Variants in YPEL1 observed in about 807,000 individuals in gnomAD.
YPEL1 encodes yippee like 1.
A neutral mutation model predicts 17.3 loss-of-function variants in YPEL1; 7 were observed. That is an observed-to-expected ratio of 0.40 (90% CI 0.23 to 0.76). YPEL1 has a LOEUF of 0.76. Ranked by LOEUF, YPEL1 falls within the 30% of genes least tolerant of loss-of-function variation. The pLI, the probability that YPEL1 is intolerant of heterozygous loss-of-function variation, is 0.35. For synonymous variants in YPEL1, 59 were observed against 59.6 expected, an observed-to-expected ratio of 0.99 and a Z score of 0.05; for missense variants, 91 against 155.5, an observed-to-expected ratio of 0.59 and a Z score of 2.21.
At chr22:21,733,868 A>G (rs2068412321) in intron 1 of YPEL1, among the ~76,000 whole-genome samples, 1 of 152,230 alleles carries the variant, frequency 6.6e-6, no homozygotes, top group South Asian at 2.1e-4. Context: ...CTTAGTGAAG[A>G]CAGGCAAGAA....
intron 1 of YPEL1, among the ~76,000 whole-genome samples, chr22:21,711,118 G>C (rs55797610): frequency 0.19 from 29,024 of 151,488 alleles, 2,927 homozygotes; most frequent in African/African-American, 0.23. Flanking sequence ...CCTCCTCCTG[G>C]GTTCAAGCGA....
intron 1 of YPEL1, among the ~76,000 whole-genome samples, chr22:21,720,202 GTA>G (rs1396091903): frequency 7.3e-6 from 1 of 137,802 alleles, no homozygotes; most frequent in Non-Finnish European, 1.6e-5. Context: ...AAAAAAAGCA[GTA>G]TCACTTTTTT....
At chr22:21,720,256 G>A (rs1248654952) in intron 1 of YPEL1, among the ~76,000 whole-genome samples, 1 of 151,330 alleles carries the variant, frequency 6.6e-6, no homozygotes, top group African/African-American at 2.4e-5. Context: ...AGGCCGGAGT[G>A]CAGTGGCATG....
Position 21,697,872 on chromosome 22 carries a change from TGAG to T in YPEL1, c.*3254_*3256del, listed in dbSNP as rs1226784029. 1.3e-5 allele frequency: 2 copies of T among 152,368 alleles called. No individual in the cohort carries two copies. The highest frequency in any genetic ancestry group is 2.4e-5 in the African/African-American group (1 of 41,458). 9.4% of individuals were successfully genotyped at this position (152,368 alleles called of 1,614,324 possible). The stretch of plus-strand genomic sequence containing the variant: ...ACCATTTGAATTTTTAACGACCTGA[TGAG>T]GGCATCAGGTAAATTAAAGGATTTT... On this transcript the variant is annotated 3_prime_UTR_variant, in exon 5 of 5. Coordinates refer to ENST00000339468, the MANE Select transcript of YPEL1 (RefSeq NM_013313.5).
chr22:21,708,341 T>C (rs1488247144), intron 2 of YPEL1, among the ~76,000 whole-genome samples: 1 of 142,552 alleles, frequency 7.0e-6, no homozygotes, highest in Non-Finnish European at 1.5e-5. Context: ...CTTTTTTTTT[T>C]TTTTTTTTTT....
rs561937532 is a variant in YPEL1 at position 21,709,063 on chromosome 22, A to G, written c.117+1565T>C. Among the ~76,000 whole-genome samples, 3 of 152,238 alleles carry G rather than the reference A, an allele frequency of 2.0e-5. No homozygotes were observed. The South Asian group carries it at 6.2e-4, about 32-fold the overall frequency. Reference sequence around the variant, plus strand: ...CTTTTGACCATGTAGCAAGGAACACACCTGGCATGCTTCCGAAACAAAACC... The same window carrying G: ...CTTTTGACCATGTAGCAAGGAACACGCCTGGCATGCTTCCGAAACAAAACC... On this transcript the variant is annotated intron_variant, in intron 2 of 4. Coordinates refer to ENST00000339468, the MANE Select transcript of YPEL1 (RefSeq NM_013313.5).
chr22:21,722,023 A>C (rs1023910146), intron 1 of YPEL1, among the ~76,000 whole-genome samples: 1 of 152,234 alleles, frequency 6.6e-6, no homozygotes, highest in African/African-American at 2.4e-5. Flanking sequence ...TTCAAGGTAC[A>C]TCCATGTTGT....
chr22:21,735,414 T>C lies in YPEL1; in HGVS notation c.-165+201A>G, dbSNP rs188009987. On this transcript the variant is annotated intron_variant, in intron 1 of 4. Coordinates refer to ENST00000339468, the MANE Select transcript of YPEL1 (RefSeq NM_013313.5). ...GGGAATCAAAGATTAGGCGTTGTTG[T>C]CTGTGCCAAAACGGAGTGAGCCCAA... is the stretch of plus-strand genomic sequence containing the variant. Among the ~76,000 whole-genome samples the C allele has an allele frequency of 2.8e-3, 423 of 152,204 alleles. 3 individuals carry two copies. Among genetic ancestry groups the C allele is most frequent in the South Asian group, 5.4e-3 (26 of 4,820 alleles).
At chr22:21,707,411 C>T (rs575028726) in intron 2 of YPEL1, among the ~76,000 whole-genome samples, 135 of 152,248 alleles carry the variant, frequency 8.9e-4, no homozygotes, top group African/African-American at 3.1e-3. Flanking sequence ...AGCAAGGCTC[C>T]ATCTCAAACA....
intron 1 of YPEL1, among the ~76,000 whole-genome samples, chr22:21,730,886 CTCTCTCCTCCA>C: frequency 6.6e-6 from 1 of 152,372 alleles, no homozygotes; most frequent in East Asian, 1.9e-4. Flanking sequence ...GCCCTCCAGG[CTCTCTCCTCCA>C]TCTCTCCTCC....
At chr22:21,714,290 C>A (rs971499432) in intron 1 of YPEL1, among the ~76,000 whole-genome samples, 2 of 152,212 alleles carry the variant, frequency 1.3e-5, no homozygotes, top group Non-Finnish European at 2.9e-5. Flanking sequence ...CACCACGGCG[C>A]TGCTGTGCCC....
chr22:21,720,044 GGTGA>G (rs1406519659), intron 1 of YPEL1, among the ~76,000 whole-genome samples: 3 of 150,720 alleles, frequency 2.0e-5, no homozygotes, highest in Admixed American at 1.3e-4. Context: ...CAGGCGTGGT[GGTGA>G]GTGCCTGTAA....
At chr22:21,701,349 C>T (rs755870694) in intron 4 of YPEL1, 131 bp from the exon 5 acceptor site, 134 of 624,404 alleles carry the variant, frequency 2.1e-4, no homozygotes, top group Non-Finnish European at 3.5e-4. Flanking sequence ...GCGGTGCACT[C>T]ATCCGGCGCT....
intron 4 of YPEL1, among the ~76,000 whole-genome samples, chr22:21,702,385 G>A (rs1322197717): frequency 6.6e-6 from 1 of 152,196 alleles, no homozygotes; most frequent in Non-Finnish European, 1.5e-5. Context: ...GGTGTGAACT[G>A]TGGCCTTCCA....
intron 1 of YPEL1, 140 bp from the exon 2 acceptor site, chr22:21,711,048 G>A (rs550951619): frequency 3.4e-6 from 1 of 292,970 alleles, no homozygotes; most frequent in East Asian, 8.0e-5. Context: ...TTTTGAGATG[G>A]AGTCTCACTC....
intron 1 of YPEL1, among the ~76,000 whole-genome samples, chr22:21,722,177 C>A (rs529990211): frequency 1.3e-5 from 2 of 152,090 alleles, no homozygotes; most frequent in Admixed American, 1.3e-4. Context: ...CCAGCACTTT[C>A]GGAGGCCAAG....
intron 2 of YPEL1, among the ~76,000 whole-genome samples, chr22:21,706,762 G>A (rs775068489): frequency 1.1e-4 from 17 of 152,192 alleles, no homozygotes; most frequent in Non-Finnish European, 2.1e-4. Flanking sequence ...CAGGAGAATC[G>A]CTTGAGCACG....
chr22:21,710,349 G>T, intron 2 of YPEL1: 1 of 490,568 alleles, frequency 2.0e-6, no homozygotes, highest in Admixed American at 3.4e-5. Context: ...GCTTTCTGCT[G>T]TGAGTAACAA....
chr22:21,728,818 TG>T (rs1378624681), intron 1 of YPEL1, among the ~76,000 whole-genome samples: 1 of 152,080 alleles, frequency 6.6e-6, no homozygotes, highest in Non-Finnish European at 1.5e-5. Context: ...GAGACCAGCT[TG>T]GGCAACATGG....
Sources: allele counts gnomAD v4.1 joint callset (sites outside exome capture counted in the v4.1 genomes callset), GRCh38; gene constraint gnomAD v4.1.1; transcripts MANE v1.5; gene names NCBI Gene and HGNC (gene_info 2026-07-23, HGNC 2026-07-21).